RANBP2: variants seen among roughly 807,000 people sequenced by gnomAD.
The protein encoded by RANBP2 is RAN binding protein 2, also known as E3 SUMO-protein ligase RanBP2.
RANBP2 carries 57 observed loss-of-function variants against 303.6 expected under a neutral mutation model. That is an observed-to-expected ratio of 0.19 (90% CI 0.15 to 0.23). The LOEUF is 0.23. Ranked by LOEUF, RANBP2 falls within the 10% of genes least tolerant of loss-of-function variation. RANBP2 has a pLI of 1.00. For missense variants in RANBP2, 3,138 were observed against 3,780.8 expected (o/e 0.83, Z 4.46); for synonymous variants, 1,167 against 1,301.5 (o/e 0.90, Z 2.23).
chr2:108,900,560 GA>G, the RANBP2 span, among the ~76,000 whole-genome samples: 21 of 43,484 alleles, frequency 4.8e-4, no homozygotes, highest in Admixed American at 1.9e-3. Flanking sequence ...CAAAAAAAAA[GA>G]AAAAAAAAAA....
chr2:109,509,531 C>T, the RANBP2 span, among the ~76,000 whole-genome samples: 1 of 151,986 alleles, frequency 6.6e-6, no homozygotes, highest in African/African-American at 2.4e-5. Context: ...CATCTCTGTG[C>T]GTCTGTATCC....
the RANBP2 span, among the ~76,000 whole-genome samples, chr2:109,662,753 T>C: frequency 3.0e-4 from 45 of 152,324 alleles, no homozygotes; most frequent in Admixed American, 7.2e-4. Context: ...GTGAATCTCT[T>C]GCAAATAAAC....
chr2:108,981,558 G>C, the RANBP2 span, among the ~76,000 whole-genome samples: 2 of 152,172 alleles, frequency 1.3e-5, no homozygotes, highest in Admixed American at 6.5e-5. Flanking sequence ...AGCCAGCAGG[G>C]CTGTCTGCTG....
chr2:109,173,640 T>C, the RANBP2 span, among the ~76,000 whole-genome samples: 1 of 152,088 alleles, frequency 6.6e-6, no homozygotes, highest in Non-Finnish European at 1.5e-5. Flanking sequence ...GGACCCCTGC[T>C]GAGACTCATT....
chr2:109,285,440 G>C, the RANBP2 span, among the ~76,000 whole-genome samples: 1 of 152,236 alleles, frequency 6.6e-6, no homozygotes. Flanking sequence ...CCAGTGCAGT[G>C]TGCCTGCTGT....
chr2:109,601,181 G>A, the RANBP2 span, among the ~76,000 whole-genome samples: 2 of 152,170 alleles, frequency 1.3e-5, no homozygotes, highest in East Asian at 3.9e-4. Flanking sequence ...GAGACTGGGG[G>A]ATGAAACTGA....
At chr2:108,720,226 G>A (rs1422798085) in intron 1 of RANBP2, 1 of 903,084 alleles carries the variant, frequency 1.1e-6, no homozygotes, top group Non-Finnish European at 1.3e-6. Flanking sequence ...AAATGACACT[G>A]AAAGTCCCCT....
intron 25 of RANBP2, among the ~76,000 whole-genome samples, chr2:108,777,528 A>G (rs1278272249): frequency 6.6e-6 from 1 of 151,930 alleles, no homozygotes; most frequent in East Asian, 1.9e-4. Context: ...TTTTAACTAT[A>G]CTTTCATATG....
chr2:109,013,727 G>A, the RANBP2 span, among the ~76,000 whole-genome samples: 7 of 151,776 alleles, frequency 4.6e-5, no homozygotes, highest in Admixed American at 1.3e-4. Context: ...TTATAGGCAC[G>A]CGCCACCACC....
chr2:108,960,216 T>C, the RANBP2 span, among the ~76,000 whole-genome samples: 1 of 152,150 alleles, frequency 6.6e-6, no homozygotes, highest in East Asian at 1.9e-4. Flanking sequence ...GGGCTGCAGT[T>C]TCTCTATTTG....
chr2:108,928,920 C>T, the RANBP2 span, among the ~76,000 whole-genome samples: 4 of 152,220 alleles, frequency 2.6e-5, no homozygotes, highest in Non-Finnish European at 4.4e-5. Flanking sequence ...TGTAAGTATT[C>T]AAGCAATTTG....
At chr2:109,660,462 A>C in the RANBP2 span, among the ~76,000 whole-genome samples, 1 of 152,160 alleles carries the variant, frequency 6.6e-6, no homozygotes, top group Non-Finnish European at 1.5e-5. Context: ...TCATTCTTTC[A>C]TTGCATTGTG....
At chr2:109,453,910 C>T in the RANBP2 span, among the ~76,000 whole-genome samples, 1,719 of 152,230 alleles carry the variant, frequency 0.011, 36 homozygotes, top group African/African-American at 0.038. Context: ...GGACATGGCC[C>T]GAAGATGAGG....
chr2:108,892,031 C>T, the RANBP2 span, among the ~76,000 whole-genome samples: 1 of 152,078 alleles, frequency 6.6e-6, no homozygotes, highest in Non-Finnish European at 1.5e-5. Flanking sequence ...TGCTCAGGCC[C>T]CTTGGTGAGA....
chr2:109,419,450 A>G, the RANBP2 span: 4 of 1,330,792 alleles, frequency 3.0e-6, no homozygotes, highest in Non-Finnish European at 4.1e-6. Context: ...AAGCACAGGC[A>G]CCTGTGGATG....
the RANBP2 span, among the ~76,000 whole-genome samples, chr2:109,479,599 C>T: frequency 1.3e-5 from 2 of 152,146 alleles, no homozygotes; most frequent in South Asian, 2.1e-4. Flanking sequence ...CAGGTGTGCC[C>T]GTACAGGACT....
At position 108,731,378 on chromosome 2, in the gene RANBP2, G is replaced by T. The variant is rs1695156914; in HGVS notation, c.309G>T (p.Leu103Phe). The change falls in exon 4 of 29, where the codon TTG becomes TTT. Residue 103 changes from leucine to phenylalanine, a missense_variant. By Grantham distance (22) the Leu-to-Phe change is conservative. This residue lies in a region of RANBP2 where 306 missense variants were observed against 381.9 expected (regional missense o/e 0.80). Transcript: ENST00000283195. Reference sequence around the variant, plus strand: ...ATCTTGTGTTGAAGATTGCAGAATTGCTTTGTAAAAATGATGTTACTGATG... The same window carrying T: ...ATCTTGTGTTGAAGATTGCAGAATTTCTTTGTAAAAATGATGTTACTGATG... Reference protein sequence around the residue: ...QKDLVLKIAELLCKNDVTDGR... With the variant: ...QKDLVLKIAEFLCKNDVTDGR... The T allele has an allele frequency of 6.2e-7, 1 of 1,611,340 alleles. No individual in the cohort carries two copies. Among genetic ancestry groups the T allele is most frequent in the Admixed American group, 1.7e-5 (1 of 59,956 alleles).
chr2:109,578,932 C>T, the RANBP2 span, among the ~76,000 whole-genome samples: 1 of 151,746 alleles, frequency 6.6e-6, no homozygotes, highest in African/African-American at 2.4e-5. Context: ...GACGTAAGAG[C>T]AGAAAGTAAT....
the RANBP2 span, among the ~76,000 whole-genome samples, chr2:109,104,933 A>C: frequency 2.0e-5 from 3 of 152,218 alleles, no homozygotes; most frequent in Non-Finnish European, 4.4e-5. Context: ...AGGCACTGTC[A>C]TGACCCCGGT....
Sources: allele counts gnomAD v4.1 joint callset (sites outside exome capture counted in the v4.1 genomes callset), GRCh38; gene constraint gnomAD v4.1.1; regional missense constraint gnomAD v4.1.1; transcripts MANE v1.5; gene names NCBI Gene and HGNC (gene_info 2026-07-23, HGNC 2026-07-21).